The following LINGO2 variants were observed in gnomAD, a reference collection of about 807,000 sequenced individuals.
LINGO2 encodes the protein leucine rich repeat and Ig domain containing 2.
LINGO2 carries 14 observed loss-of-function variants against 30.6 expected under a neutral mutation model. The ratio of observed to expected loss-of-function variants is 0.46; its 90% confidence interval spans 0.30 to 0.72. LINGO2 has a LOEUF of 0.72. Ranked by LOEUF, LINGO2 falls within the 30% of genes least tolerant of loss-of-function variation. The pLI is 0.07. For missense variants in LINGO2, 729 were observed against 751.7 expected (o/e 0.97, Z 0.35); for synonymous variants, 317 against 288.5 (o/e 1.10, Z -1.00).
chr9:28,754,774 G>A, the LINGO2 span, among the ~76,000 whole-genome samples: 1 of 151,644 alleles, frequency 6.6e-6, no homozygotes, highest in Non-Finnish European at 1.5e-5. Flanking sequence ...GGGACTACAG[G>A]CGCTCACCAC....
chr9:28,694,230 T>C, the LINGO2 span, among the ~76,000 whole-genome samples: 1 of 151,882 alleles, frequency 6.6e-6, no homozygotes, highest in Admixed American at 6.6e-5. Flanking sequence ...CAATTTTCTA[T>C]TAATCTAATA....
At chr9:28,328,166 A>G (rs1429354176) in intron 3 of LINGO2, among the ~76,000 whole-genome samples, 1 of 152,198 alleles carries the variant, frequency 6.6e-6, no homozygotes, top group Non-Finnish European at 1.5e-5. Flanking sequence ...TATGGCTCAT[A>G]GCACGTGTAG....
At chr9:28,053,108 C>A (rs1350435623) in intron 4 of LINGO2, among the ~76,000 whole-genome samples, 3 of 151,850 alleles carry the variant, frequency 2.0e-5, no homozygotes, top group Non-Finnish European at 4.4e-5. Context: ...GACAGGGGAA[C>A]CATAAGGTAT....
chr9:29,110,011 G>T, the LINGO2 span, among the ~76,000 whole-genome samples: 2 of 152,066 alleles, frequency 1.3e-5, no homozygotes, highest in Non-Finnish European at 2.9e-5. Context: ...GGATGTAGAA[G>T]AATTTAGGAT....
the LINGO2 span, among the ~76,000 whole-genome samples, chr9:28,874,887 T>C: frequency 2.0e-5 from 3 of 152,138 alleles, no homozygotes; most frequent in Non-Finnish European, 4.4e-5. Context: ...CAAATATCCA[T>C]AGTGTGCCCC....
At chr9:28,695,245 T>A in the LINGO2 span, among the ~76,000 whole-genome samples, 1 of 152,098 alleles carries the variant, frequency 6.6e-6, no homozygotes, top group East Asian at 1.9e-4. Flanking sequence ...TTTTGCTTCA[T>A]TAAGTGATAA....
chr9:28,676,695 T>G, the LINGO2 span, among the ~76,000 whole-genome samples: 10 of 152,116 alleles, frequency 6.6e-5, no homozygotes, highest in Admixed American at 1.3e-4. Flanking sequence ...CTTTGGTGGC[T>G]TACATTTCCT....
chr9:28,944,194 C>A, the LINGO2 span, among the ~76,000 whole-genome samples: 1 of 152,152 alleles, frequency 6.6e-6, no homozygotes, highest in Admixed American at 6.5e-5. Flanking sequence ...CATTCCATAT[C>A]TAATTTCCAA....
intron 4 of LINGO2, among the ~76,000 whole-genome samples, chr9:28,039,244 G>GCA (rs1824088780): frequency 6.6e-6 from 1 of 152,150 alleles, no homozygotes; most frequent in Non-Finnish European, 1.5e-5. Flanking sequence ...GAATAAGGCT[G>GCA]CACCCTTAAT....
the LINGO2 span, among the ~76,000 whole-genome samples, chr9:28,807,397 T>C: frequency 6.6e-6 from 1 of 152,294 alleles, no homozygotes; most frequent in East Asian, 1.9e-4. Context: ...CTTTCTTCTC[T>C]CTGATAAGGG....
intron 1 of LINGO2, among the ~76,000 whole-genome samples, chr9:28,590,856 C>T (rs1298822596): frequency 1.3e-5 from 2 of 152,090 alleles, no homozygotes; most frequent in Admixed American, 1.3e-4. Flanking sequence ...GATACATGCA[C>T]ATGTATGTTT....
chr9:28,243,276 G>A (rs1821869222), intron 4 of LINGO2, among the ~76,000 whole-genome samples: 2 of 151,956 alleles, frequency 1.3e-5, no homozygotes, highest in South Asian at 2.1e-4. Context: ...GGGCAACATG[G>A]TGAAACCCCA....
At chr9:28,122,916 G>T (rs1827138691) in intron 4 of LINGO2, among the ~76,000 whole-genome samples, 1 of 152,170 alleles carries the variant, frequency 6.6e-6, no homozygotes, top group Admixed American at 6.5e-5. Context: ...CTGATTTATT[G>T]TGCTAGGATT....
intron 4 of LINGO2, among the ~76,000 whole-genome samples, chr9:28,234,237 A>T (rs1020310921): frequency 1.3e-5 from 2 of 152,142 alleles, no homozygotes; most frequent in Middle Eastern, 3.2e-3. Flanking sequence ...GCCTGGCAGC[A>T]TTCACCACAA....
chr9:28,041,981 T>A (rs1824217916), intron 4 of LINGO2, among the ~76,000 whole-genome samples: 1 of 152,314 alleles, frequency 6.6e-6, no homozygotes, highest in Admixed American at 6.5e-5. Context: ...CTTAGCTCTG[T>A]GACTTCCTAA....
intron 4 of LINGO2, among the ~76,000 whole-genome samples, chr9:28,048,612 A>G (rs1824529728): frequency 2.0e-5 from 3 of 150,870 alleles, no homozygotes; most frequent in African/African-American, 2.4e-5. Context: ...TTATAGACTG[A>G]TTCGGTAATT....
At chr9:28,804,860 A>T in the LINGO2 span, among the ~76,000 whole-genome samples, 1 of 152,106 alleles carries the variant, frequency 6.6e-6, no homozygotes, top group Non-Finnish European at 1.5e-5. Flanking sequence ...AGTGCTTCTT[A>T]AGATGAATGA....
At position 28,526,055 on chromosome 9, in the gene LINGO2, C is replaced by CAAAAAAAAA. The variant is rs58629857; in HGVS notation, c.-364-50039_-364-50031dup. 5.7e-3 allele frequency among the ~76,000 whole-genome samples: 277 copies of CAAAAAAAAA among 48,484 alleles called. 55 individuals are homozygous for CAAAAAAAAA. Among genetic ancestry groups the CAAAAAAAAA allele is most frequent in the East Asian group, 0.051 (66 of 1,288 alleles). The allele number at this position is 48,484 out of a possible 152,430, so 31.8% of individuals were successfully genotyped here. A position where few individuals can be genotyped will look rare whatever the true frequency, so the allele number is the denominator to read the frequency against. Reference sequence around the variant, plus strand: ...TGGGTGACAGAGCGAGACTCCGTCTCAAAAAAAAAAAAAAAAAAAAAGCCA... The same window carrying CAAAAAAAAA: ...TGGGTGACAGAGCGAGACTCCGTCTCAAAAAAAAAAAAAAAAAAAAAAAAAAAAAAGCCA... On this transcript the variant is annotated intron_variant, in intron 1 of 5. Coordinates refer to ENST00000379992, the Ensembl canonical transcript of LINGO2.
chr9:28,107,521 T>A (rs1826631302), intron 4 of LINGO2, among the ~76,000 whole-genome samples: 1 of 152,178 alleles, frequency 6.6e-6, no homozygotes, highest in Non-Finnish European at 1.5e-5. Flanking sequence ...TGACTCTCTC[T>A]ACTATGCATA....
Sources: gnomAD v4.1 joint callset for allele counts (sites outside exome capture counted in the v4.1 genomes callset) on GRCh38, gnomAD v4.1.1 for gene constraint, MANE v1.5 for transcripts, NCBI Gene and HGNC (gene_info 2026-07-23, HGNC 2026-07-21) for gene names.